MACROD2: variants seen among roughly 807,000 people sequenced by gnomAD.
The protein encoded by MACROD2 is ADP-ribose glycohydrolase MACROD2.
MACROD2 carries 36 observed loss-of-function variants against 70.4 expected under a neutral mutation model. The ratio of observed to expected loss-of-function variants is 0.51; its 90% CI spans 0.39 to 0.68. MACROD2 has a LOEUF of 0.68. Among genes scored for constraint, MACROD2 ranks in the 30% least tolerant of loss-of-function variants. MACROD2 has a pLI of 0.00. For synonymous variants in MACROD2, 172 were observed against 178.8 expected (o/e 0.96, Z 0.30); for missense variants, 496 against 538.4 (o/e 0.92, Z 0.78).
intron 5 of MACROD2, among the ~76,000 whole-genome samples, chr20:14,727,621 T>C (rs75529759): frequency 0.011 from 1,658 of 152,292 alleles, 26 homozygotes; most frequent in African/African-American, 0.038. Context: ...GTCTCTTCAG[T>C]CTCATTTGCT....
intron 5 of MACROD2, among the ~76,000 whole-genome samples, chr20:14,964,595 A>T (rs997225934): frequency 1.3e-5 from 2 of 152,036 alleles, no homozygotes; most frequent in African/African-American, 4.8e-5. Context: ...AAAATAAAAA[A>T]AAAATAAAGA....
At chr20:15,847,841 T>G (rs1278917297) in intron 8 of MACROD2, among the ~76,000 whole-genome samples, 2 of 152,206 alleles carry the variant, frequency 1.3e-5, no homozygotes, top group African/African-American at 2.4e-5. Context: ...GTTTTTGTTT[T>G]TATTTGGTTA....
chr20:14,548,919 C>G (rs569675303), intron 4 of MACROD2, among the ~76,000 whole-genome samples: 15 of 152,252 alleles, frequency 9.9e-5, no homozygotes, highest in Non-Finnish European at 1.8e-4. Context: ...CTGGGGAACT[C>G]TGCACGTGCC....
intron 3 of MACROD2, among the ~76,000 whole-genome samples, chr20:14,221,684 A>G (rs532258515): frequency 1.6e-4 from 25 of 152,354 alleles, no homozygotes; most frequent in African/African-American, 6.0e-4. Flanking sequence ...AGTGATCACC[A>G]TAATGAACAG....
chr20:14,000,495 A>G (rs1237504962), intron 1 of MACROD2, among the ~76,000 whole-genome samples: 1 of 152,202 alleles, frequency 6.6e-6, no homozygotes, highest in East Asian at 1.9e-4. Flanking sequence ...ACTAGATACT[A>G]ACTATCCCTG....
chr20:15,131,726 C>A (rs57366331), intron 5 of MACROD2, among the ~76,000 whole-genome samples: 262 of 152,040 alleles, frequency 1.7e-3, no homozygotes, highest in African/African-American at 5.9e-3. Context: ...TAAAAACAGA[C>A]TTTAAAACTT....
At chr20:15,835,020 C>T (rs1176457859) in intron 8 of MACROD2, among the ~76,000 whole-genome samples, 2 of 152,150 alleles carry the variant, frequency 1.3e-5, no homozygotes, top group African/African-American at 4.8e-5. Flanking sequence ...AGGAAGCCAA[C>T]CTTCATGCCA....
intron 3 of MACROD2, among the ~76,000 whole-genome samples, chr20:14,131,254 A>G (rs2054715255): frequency 6.6e-6 from 1 of 152,198 alleles, no homozygotes; most frequent in African/African-American, 2.4e-5. Flanking sequence ...TTGGCTTGAG[A>G]AAACAACTGT....
intron 4 of MACROD2, among the ~76,000 whole-genome samples, chr20:14,569,522 G>C (rs947546914): frequency 5.3e-5 from 8 of 151,742 alleles, no homozygotes; most frequent in African/African-American, 1.9e-4. Flanking sequence ...TCATTCTTTG[G>C]TGAAGAAATT....
intron 4 of MACROD2, among the ~76,000 whole-genome samples, chr20:14,634,604 A>C (rs189230237): frequency 7.3e-5 from 10 of 136,278 alleles, no homozygotes; most frequent in Admixed American, 5.3e-4. Flanking sequence ...AACTGTTCAG[A>C]GAATTTGGGC....
intron 15 of MACROD2, among the ~76,000 whole-genome samples, chr20:16,023,491 A>T (rs2067032813): frequency 6.6e-6 from 1 of 151,018 alleles, no homozygotes. Flanking sequence ...AAAAAAAAAA[A>T]AAAGAGATGG....
chr20:15,679,376 G>A (rs2050128369), intron 8 of MACROD2, among the ~76,000 whole-genome samples: 1 of 152,130 alleles, frequency 6.6e-6, no homozygotes, highest in Admixed American at 6.5e-5. Flanking sequence ...CTCATAGCAG[G>A]TGCACCAGGC....
intron 6 of MACROD2, among the ~76,000 whole-genome samples, chr20:15,402,521 C>A (rs1174901026): frequency 6.6e-6 from 1 of 152,128 alleles, no homozygotes; most frequent in Non-Finnish European, 1.5e-5. Flanking sequence ...AATATGAAAT[C>A]TTTCCATTCA....
Position 14,442,831 on chromosome 20 carries a change from C to T in MACROD2, c.272-50648C>T, listed in dbSNP as rs112586199. 3.3e-4 allele frequency among the ~76,000 whole-genome samples: 50 copies of T among 152,212 alleles called. 1 individual carries two copies. The highest frequency in any genetic ancestry group is 1.2e-3 in the African/African-American group (48 of 41,496). The stretch of plus-strand genomic sequence containing the variant: ...GTGGCTCACGCCTGTAATCCCAGCC[C>T]TTTAGGAAGCCGAGGCGGGCAGATC... On this transcript the variant is annotated intron_variant, in intron 3 of 17. Transcript: ENST00000684519.
chr20:14,366,359 T>C (rs189545569), intron 3 of MACROD2, among the ~76,000 whole-genome samples: 1 of 138,726 alleles, frequency 7.2e-6, no homozygotes, highest in East Asian at 2.1e-4. Context: ...GTGTCCTTTT[T>C]GTAACTTGTA....
chr20:14,377,396 AG>A (rs2083382225), intron 3 of MACROD2, among the ~76,000 whole-genome samples: 1 of 152,216 alleles, frequency 6.6e-6, no homozygotes, highest in Non-Finnish European at 1.5e-5. Context: ...GAATACTTAG[AG>A]TGACAATATC....
intron 3 of MACROD2, among the ~76,000 whole-genome samples, chr20:14,102,772 T>TATGGGGATATATGGGGATATAGG (rs2054317573): frequency 6.6e-6 from 1 of 151,996 alleles, no homozygotes. Context: ...ATATAGGATA[T>TATGGGGATATATGGGGATATAGG]ATGGGGATAT....
chr20:16,049,376 T>C (rs922214961), intron 17 of MACROD2, among the ~76,000 whole-genome samples: 4 of 152,154 alleles, frequency 2.6e-5, no homozygotes, highest in Non-Finnish European at 5.9e-5. Flanking sequence ...TCATGGGTAG[T>C]GAATAAGGCA....
At chr20:15,296,010 C>T (rs1012574579) in intron 6 of MACROD2, among the ~76,000 whole-genome samples, 2 of 152,216 alleles carry the variant, frequency 1.3e-5, no homozygotes, top group Non-Finnish European at 2.9e-5. Context: ...GCTTTTGTCT[C>T]CTGGCAGTCA....
Sources: gnomAD v4.1 joint callset for allele counts (sites outside exome capture counted in the v4.1 genomes callset) on GRCh38, gnomAD v4.1.1 for gene constraint, MANE v1.5 for transcripts, NCBI Gene and HGNC (gene_info 2026-07-23, HGNC 2026-07-21) for gene names.